Variants in BIN2 observed in about 807,000 individuals in gnomAD.
BIN2 encodes breast cancer associated protein BRAP1.
In BIN2, 43 loss-of-function variants were observed where a neutral mutation model predicts 67.9. The ratio of observed to expected loss-of-function variants is 0.63; its 90% confidence interval spans 0.50 to 0.82. The LOEUF (loss-of-function observed/expected upper bound fraction) is 0.82, where lower values mean the gene tolerates loss of function less well. BIN2 is among the 40% of genes least tolerant of loss of function. The pLI, the probability that BIN2 is intolerant of heterozygous loss-of-function variation, is 0.00. For synonymous variants in BIN2, 244 were observed against 246.8 expected (o/e 0.99, Z 0.11); for missense variants, 581 against 671.6 (o/e 0.87, Z 1.49).
chr12:51,309,278 C>T (rs1945938972), intron 2 of BIN2, among the ~76,000 whole-genome samples: 1 of 152,022 alleles, frequency 6.6e-6, no homozygotes, highest in Non-Finnish European at 1.5e-5. Context: ...AAATCCTTGA[C>T]CTTGTCCTTT....
At chr12:51,319,438 A>G (rs1204210203) in intron 1 of BIN2, among the ~76,000 whole-genome samples, 1 of 152,240 alleles carries the variant, frequency 6.6e-6, no homozygotes, top group Non-Finnish European at 1.5e-5. Flanking sequence ...CTTCCCAACG[A>G]AAGACCCTTG....
At chr12:51,321,016 A>C (rs1294894660) in intron 1 of BIN2, among the ~76,000 whole-genome samples, 2 of 150,312 alleles carry the variant, frequency 1.3e-5, no homozygotes, top group Non-Finnish European at 3.0e-5. Context: ...TTGGGCGGGA[A>C]ATGGAAAACA....
chr12:51,301,283 T>G (rs1337013765), intron 5 of BIN2, among the ~76,000 whole-genome samples: 4 of 152,188 alleles, frequency 2.6e-5, no homozygotes, highest in Non-Finnish European at 5.9e-5. Context: ...ATTCTAATTC[T>G]GCTTTCTGGA....
chr12:51,290,175 A>G (rs2137354070), intron 10 of BIN2, among the ~76,000 whole-genome samples: 1 of 150,718 alleles, frequency 6.6e-6, no homozygotes, highest in East Asian at 2.0e-4. Flanking sequence ...GCTGGAGTGC[A>G]GTGATGTGAT....
At chr12:51,324,518 C>G (rs1946381266), upstream of BIN2, 3 of 1,531,072 alleles carry the variant, frequency 2.0e-6, no homozygotes, top group Admixed American at 4.0e-5. Flanking sequence ...CCTACCATAT[C>G]GAAAACACGT....
chr12:51,286,967 A>C (rs1770043925), intron 11 of BIN2, among the ~76,000 whole-genome samples: 1 of 151,472 alleles, frequency 6.6e-6, no homozygotes, highest in South Asian at 2.1e-4. Flanking sequence ...GGCCACAGGC[A>C]TGTGACACTA....
chr12:51,301,301 G>A (rs1262202359), intron 5 of BIN2, among the ~76,000 whole-genome samples: 7 of 152,090 alleles, frequency 4.6e-5, no homozygotes, highest in Non-Finnish European at 1.0e-4. Flanking sequence ...GGAACAGAAA[G>A]CAGAACAGTT....
At chr12:51,284,927 A>G in intron 11 of BIN2, 140 bp from the exon 12 acceptor site, 1 of 629,612 alleles carries the variant, frequency 1.6e-6, no homozygotes, top group Non-Finnish European at 2.9e-6. Context: ...GTGTTGTTTC[A>G]CCAGAGCCTG....
chr12:51,294,900 C>T (rs942102684), intron 9 of BIN2, among the ~76,000 whole-genome samples: 14 of 152,010 alleles, frequency 9.2e-5, no homozygotes, highest in African/African-American at 3.4e-4. Context: ...TTGTATTATT[C>T]TTTATACGTT....
At chr12:51,295,960 A>C in intron 8 of BIN2, 82 bp from the exon 9 acceptor site, 1 of 1,103,914 alleles carries the variant, frequency 9.1e-7, no homozygotes, top group African/African-American at 1.6e-5. Context: ...CCCTTCAGAC[A>C]GCTTCCCAAA....
At chr12:51,290,162 C>T (rs1016624552) in intron 10 of BIN2, among the ~76,000 whole-genome samples, 4 of 151,236 alleles carry the variant, frequency 2.6e-5, no homozygotes, top group African/African-American at 9.7e-5. Flanking sequence ...CTCTGTTGCC[C>T]AGGCTGGAGT....
intron 10 of BIN2, among the ~76,000 whole-genome samples, chr12:51,290,974 C>T (rs1945366421): frequency 6.7e-6 from 1 of 150,288 alleles, no homozygotes; most frequent in South Asian, 2.1e-4. Context: ...CATGGAGAAA[C>T]CCCGTCTCTA....
At chr12:51,307,519 G>T (rs1945899828) in intron 2 of BIN2, among the ~76,000 whole-genome samples, 1 of 151,556 alleles carries the variant, frequency 6.6e-6, no homozygotes, top group Non-Finnish European at 1.5e-5. Context: ...GACCAGCCTG[G>T]CCAACATGGT....
chr12:51,324,397 G>A (rs1464756586), upstream of BIN2: 2 of 1,348,578 alleles, frequency 1.5e-6, no homozygotes, highest in Non-Finnish European at 2.0e-6. Flanking sequence ...GGTCCTCAGT[G>A]GTGGGCCCAC....
In BIN2 at chr12:51,321,527, G is replaced by A. The variant is rs191479191; in HGVS notation, c.81+2495C>T. ...CGATTCTCCTGCCTCAGCCTCCTGA[G>A]TAGCTGGGATTACAGGCATGCGCCA... On this transcript the variant is annotated intron_variant, in intron 1 of 12. Coordinates refer to ENST00000615107, the MANE Select transcript of BIN2 (RefSeq NM_016293.4). Among the ~76,000 whole-genome samples, 82 of 152,212 alleles carry A rather than the reference G, an allele frequency of 5.4e-4. 1 individual carries two copies. Among genetic ancestry groups the A allele is most frequent in the African/African-American group, 1.9e-3 (77 of 41,518 alleles).
In BIN2 at chr12:51,281,398, C is replaced by T; in HGVS notation, c.*101G>A. On this transcript the variant is annotated 3_prime_UTR_variant, in exon 13 of 13. Transcript: ENST00000615107. ...AGCACCAGCATTCCTACTGAGAACCCAGGGATGGATGCTGGCTCTTATATC... is the reference window on the plus strand; with the variant it reads ...AGCACCAGCATTCCTACTGAGAACCTAGGGATGGATGCTGGCTCTTATATC... The T allele has an allele frequency of 7.7e-7, 1 of 1,306,196 alleles. No homozygotes were observed. The highest frequency in any genetic ancestry group is 1.1e-6 in the Non-Finnish European group (1 of 902,978). The allele number at this position is 1,306,196 out of a possible 1,614,324, so 80.9% of individuals were successfully genotyped here.
At chr12:51,281,569 T>C (rs1394184363) in intron 12 of BIN2, 41 bp from the exon 13 acceptor site, 5 of 1,609,052 alleles carry the variant, frequency 3.1e-6, no homozygotes, top group African/African-American at 1.3e-5. Context: ...TGACCTGCCT[T>C]CCCACCAACC....
At chr12:51,323,613 T>C (rs917364821) in intron 1 of BIN2, among the ~76,000 whole-genome samples, 2 of 152,092 alleles carry the variant, frequency 1.3e-5, no homozygotes, top group Non-Finnish European at 2.9e-5. Context: ...TTTGGGGAAA[T>C]TGCCCTCTAT....
Position 51,302,716 on chromosome 12 carries a change from G to A in BIN2, c.282C>T (p.Asp94=), listed in dbSNP as rs7975715. The change falls in exon 4 of 13, where the codon GAC becomes GAT. Residue 94 remains aspartate, a synonymous_variant. Coordinates refer to ENST00000615107, the MANE Select transcript of BIN2 (RefSeq NM_016293.4). ...TLQEIYSSEW[D]GHEELKAIVW... The stretch of plus-strand genomic sequence containing the variant: ...CGATGGCCTTCAGCTCCTCATGACC[G>A]TCCCACTCGCTGCTGTAGATCTCCT... 177,518 of 1,613,404 alleles carry A rather than the reference G, an allele frequency of 0.11. 10,535 individuals carry two copies. The highest frequency in any genetic ancestry group is 0.22 in the East Asian group (9,845 of 44,874).
Sources: gnomAD v4.1 joint callset for allele counts (sites outside exome capture counted in the v4.1 genomes callset) on GRCh38, gnomAD v4.1.1 for gene constraint, MANE v1.5 for transcripts, NCBI Gene and HGNC (gene_info 2026-07-23, HGNC 2026-07-21) for gene names.